The following EHMT1 variants were observed in gnomAD, a reference collection of about 807,000 sequenced individuals.
The protein encoded by EHMT1 is histone-lysine N-methyltransferase EHMT1.
A neutral mutation model predicts 147.2 loss-of-function variants in EHMT1; 15 were observed. The ratio of observed to expected loss-of-function variants is 0.10; its 90% CI spans 0.07 to 0.16. EHMT1 has a LOEUF of 0.16. Ranked by LOEUF, EHMT1 falls within the 10% of genes least tolerant of loss-of-function variation. The probability of loss-of-function intolerance (pLI) is 1.00; values close to 1 mark genes in which losing one functional copy is unlikely to be tolerated. For missense variants in EHMT1, 1,587 were observed against 1,772.4 expected (o/e 0.90, Z 1.88); for synonymous variants, 795 against 709.6 (o/e 1.12, Z -1.91).
At chr9:137,658,645 C>T (rs1169217655) in intron 1 of EHMT1, among the ~76,000 whole-genome samples, 1 of 151,674 alleles carries the variant, frequency 6.6e-6, no homozygotes, top group Non-Finnish European at 1.5e-5. Context: ...CAGGGTCTTG[C>T]CCTGTAGCCC....
intron 15 of EHMT1, chr9:137,784,265 C>A: frequency 6.7e-7 from 1 of 1,498,670 alleles, no homozygotes; most frequent in South Asian, 1.3e-5. Context: ...CAGGTCCATT[C>A]CTGGGGGCTG....
chr9:137,833,869 C>T (rs1401652571), intron 25 of EHMT1, among the ~76,000 whole-genome samples: 3 of 152,250 alleles, frequency 2.0e-5, no homozygotes, highest in Non-Finnish European at 4.4e-5. Context: ...TCTTCCCAGA[C>T]CCTCTGGGGA....
intron 1 of EHMT1, among the ~76,000 whole-genome samples, chr9:137,701,542 TCTGCCTCCCGGGTTTGAGCAATTCTC>T (rs1943824251): frequency 6.6e-6 from 1 of 151,974 alleles, no homozygotes; most frequent in East Asian, 1.9e-4. Flanking sequence ...CACTGCAACC[TCTGCCTCCCGGGTTTGAGCAATTCTC>T]CTGCCTCAGC....
intron 21 of EHMT1, 81 bp from the exon 22 acceptor site, chr9:137,814,350 C>T: frequency 1.4e-6 from 2 of 1,457,090 alleles, no homozygotes; most frequent in Non-Finnish European, 1.9e-6. Flanking sequence ...GTTAACAGAA[C>T]TGGAAGACGT....
intron 1 of EHMT1, among the ~76,000 whole-genome samples, chr9:137,671,082 C>T (rs1351606912): frequency 6.6e-6 from 1 of 152,194 alleles, no homozygotes; most frequent in Non-Finnish European, 1.5e-5. Flanking sequence ...TGAACCCTTC[C>T]AGGGCCACCG....
chr9:137,789,774 G>C (rs1368158646), intron 15 of EHMT1, among the ~76,000 whole-genome samples: 1 of 152,230 alleles, frequency 6.6e-6, no homozygotes, highest in Non-Finnish European at 1.5e-5. Context: ...TTGTTGCCCA[G>C]GCTGGAGTGC....
intron 1 of EHMT1, among the ~76,000 whole-genome samples, chr9:137,674,319 C>T (rs1941011281): frequency 6.6e-6 from 1 of 152,188 alleles, no homozygotes; most frequent in Non-Finnish European, 1.5e-5. Flanking sequence ...AGACATTAAA[C>T]AGGATTGTGC....
At chr9:137,753,313 C>T (rs953945277) in intron 7 of EHMT1, among the ~76,000 whole-genome samples, 8 of 152,050 alleles carry the variant, frequency 5.3e-5, no homozygotes, top group Admixed American at 1.3e-4. Context: ...TGGTGTTCGG[C>T]GATGAAGGGG....
At chr9:137,656,207 T>A (rs1938427561) in intron 1 of EHMT1, among the ~76,000 whole-genome samples, 1 of 151,998 alleles carries the variant, frequency 6.6e-6, no homozygotes, top group African/African-American at 2.4e-5. Flanking sequence ...TGGTGAGACC[T>A]CATCTCTACT....
At chr9:137,659,460 G>T (rs1048104650) in intron 1 of EHMT1, among the ~76,000 whole-genome samples, 7 of 151,764 alleles carry the variant, frequency 4.6e-5, no homozygotes, top group African/African-American at 1.5e-4. Context: ...CCCCAGGCTG[G>T]ACTTGAACTC....
chr9:137,813,400 G>C lies in EHMT1; in HGVS notation c.3050G>C (p.Gly1017Ala). Residue 1017 changes from glycine (G) to alanine (A), a missense_variant, in exon 21 of 27, where the codon GGC (glycine) becomes GCC (alanine). Physicochemically the swap from Gly to Ala is moderately conservative, Grantham distance 60 (BLOSUM62 0). This residue lies in a region of EHMT1 where 78 missense variants were observed against 68.9 expected (regional missense o/e 1.13). Transcript: ENST00000460843. The surrounding 1 kb of genome is among the most constrained non-coding windows in gnomAD (Gnocchi z 4.9). The stretch of plus-strand genomic sequence containing the variant: ...TTCCATGGCAGGGACATCGCTCGAG[G>C]CTACGAGCGCATCCCCATCCCCTGT... Reference protein sequence around the residue: ...ERIVSRDIARGYERIPIPCVN... With the variant: ...ERIVSRDIARAYERIPIPCVN... 6.2e-7 allele frequency: 1 copy of C among 1,612,408 alleles called. No homozygotes were observed. Among genetic ancestry groups the C allele is most frequent in the Non-Finnish European group, 8.5e-7 (1 of 1,179,612 alleles).
chr9:137,812,603 A>G (rs1356553709), intron 19 of EHMT1, among the ~76,000 whole-genome samples: 1 of 152,252 alleles, frequency 6.6e-6, no homozygotes, highest in African/African-American at 2.4e-5. Context: ...CGATGACTGC[A>G]GTCTGGATGC....
At chr9:137,741,721 T>C (rs1948098463) in intron 4 of EHMT1, among the ~76,000 whole-genome samples, 1 of 152,182 alleles carries the variant, frequency 6.6e-6, no homozygotes, top group Non-Finnish European at 1.5e-5. Flanking sequence ...ACCTGTGTAA[T>C]ATGAAAAGTT....
intron 3 of EHMT1, among the ~76,000 whole-genome samples, chr9:137,722,727 C>T (rs1218686370): frequency 1.3e-5 from 2 of 151,408 alleles, no homozygotes; most frequent in Middle Eastern, 3.4e-3. Flanking sequence ...AGAGGTGGTG[C>T]GGCAGAGACT....
chr9:137,794,698 C>T (rs1432767986), intron 16 of EHMT1, among the ~76,000 whole-genome samples: 1 of 149,996 alleles, frequency 6.7e-6, no homozygotes, highest in Admixed American at 6.7e-5. Context: ...TACATCTAGA[C>T]AGACAACGTT....
chr9:137,748,359 G>T (rs1255532573), intron 6 of EHMT1, among the ~76,000 whole-genome samples: 1 of 152,172 alleles, frequency 6.6e-6, no homozygotes, highest in Non-Finnish European at 1.5e-5. Flanking sequence ...CCAGGGAGGC[G>T]ACCATACAGG....
chr9:137,796,407 A>G (rs1362958903), intron 16 of EHMT1, among the ~76,000 whole-genome samples: 8 of 152,232 alleles, frequency 5.3e-5, no homozygotes, highest in Admixed American at 4.6e-4. Context: ...CCAAAAATAT[A>G]AAGAACTACA....
At chr9:137,779,562 G>A (rs776174274) in intron 13 of EHMT1, 73 bp from the exon 14 acceptor site, 19 of 1,533,166 alleles carry the variant, frequency 1.2e-5, no homozygotes, top group East Asian at 2.3e-5. Flanking sequence ...GATGTCCGCC[G>A]GGCCTTCCAG....
chr9:137,771,084 C>G (rs909265550), intron 10 of EHMT1, among the ~76,000 whole-genome samples: 7 of 151,906 alleles, frequency 4.6e-5, no homozygotes, highest in Non-Finnish European at 8.8e-5. Flanking sequence ...TCTTAAGACA[C>G]ATTGCTCAGA....
Sources: allele counts gnomAD v4.1 joint callset (sites outside exome capture counted in the v4.1 genomes callset), GRCh38; gene constraint gnomAD v4.1.1; regional missense constraint gnomAD v4.1.1; non-coding constraint Gnocchi (gnomAD v3.1); transcripts MANE v1.5; gene names NCBI Gene and HGNC (gene_info 2026-07-23, HGNC 2026-07-21).